SIRT4: variants seen among roughly 807,000 people sequenced by gnomAD.
SIRT4 encodes the protein sirtuin 4.
SIRT4 carries 23 observed loss-of-function variants against 26.1 expected under a neutral mutation model. That is an observed-to-expected ratio of 0.88 (90% CI 0.63 to 1.25). The LOEUF (loss-of-function observed/expected upper bound fraction) is 1.25. Ranked by LOEUF, SIRT4 falls within the 50% of genes most tolerant of loss-of-function variation. The probability of loss-of-function intolerance (pLI) is 0.00; values close to 1 mark genes in which losing one functional copy is unlikely to be tolerated. For synonymous variants in SIRT4, 155 were observed against 158.4 expected, an observed-to-expected ratio of 0.98 and a Z score of 0.16; for missense variants, 361 against 405.4, an observed-to-expected ratio of 0.89 and a Z score of 0.94.
the SIRT4 span, among the ~76,000 whole-genome samples, chr12:120,294,952 G>A: frequency 1.3e-5 from 2 of 149,372 alleles, no homozygotes; most frequent in Admixed American, 6.7e-5. Context: ...TCAGCCTCCC[G>A]AGTAACTAAC....
chr12:120,301,073 A>G (rs527286593), upstream of SIRT4, among the ~76,000 whole-genome samples: 4 of 152,342 alleles, frequency 2.6e-5, no homozygotes, highest in East Asian at 5.8e-4. Flanking sequence ...TTGGCTGGGC[A>G]CAGTGGCTTA....
Position 120,313,211 on chromosome 12 carries a change from A to T in SIRT4, c.*175A>T. 5 of 668,892 alleles carry T rather than the reference A, an allele frequency of 7.5e-6. No homozygotes were observed. Among genetic ancestry groups the T allele is most frequent in the Admixed American group, 3.1e-5 (1 of 32,242 alleles). The allele number at this position is 668,892 out of a possible 1,614,324, so 41.4% of individuals were successfully genotyped here. ...GTGTGGATATTCTTAATTAAAACTC[A>T]TTTTTTTTAAATAAAAAATTGTTCA... On this transcript the variant is annotated 3_prime_UTR_variant, in exon 4 of 4. Transcript: ENST00000202967.
At chr12:120,297,973 T>C (rs981360999), upstream of SIRT4, among the ~76,000 whole-genome samples, 2 of 151,488 alleles carry the variant, frequency 1.3e-5, no homozygotes, top group Admixed American at 6.6e-5. Context: ...GGTTAACTAA[T>C]GCAGAAAGGG....
chr12:120,304,835 A>ATTT (rs1169655844), intron 2 of SIRT4, among the ~76,000 whole-genome samples: 2 of 24,862 alleles, frequency 8.0e-5, no homozygotes, highest in East Asian at 5.9e-4. Context: ...ATATATATAT[A>ATTT]TTTTTTTTTT....
At chr12:120,298,974 C>T (rs1355611791), upstream of SIRT4, among the ~76,000 whole-genome samples, 26 of 141,564 alleles carry the variant, frequency 1.8e-4, no homozygotes, top group African/African-American at 6.3e-4. Context: ...CGCCTGTAAT[C>T]CCAGTACTTT....
At chr12:120,295,421 T>TAAA in the SIRT4 span, among the ~76,000 whole-genome samples, 10 of 136,100 alleles carry the variant, frequency 7.3e-5, no homozygotes, top group Middle Eastern at 4.0e-3. Context: ...TATAGATAAT[T>TAAA]TTTTTTTTTT....
intron 2 of SIRT4, among the ~76,000 whole-genome samples, chr12:120,304,331 A>C (rs1566463214): frequency 6.6e-6 from 1 of 152,200 alleles, no homozygotes; most frequent in Non-Finnish European, 1.5e-5. Context: ...TGTCTAGGAC[A>C]TGCCTGAGGA....
chr12:120,296,076 G>C, the SIRT4 span, among the ~76,000 whole-genome samples: 1 of 86,474 alleles, frequency 1.2e-5, no homozygotes, highest in Non-Finnish European at 2.0e-5. Flanking sequence ...GACAAAGCGA[G>C]ACTCCGTCTC....
At chr12:120,299,337 A>C (rs1317156190), upstream of SIRT4, among the ~76,000 whole-genome samples, 2 of 151,626 alleles carry the variant, frequency 1.3e-5, no homozygotes. Context: ...GGGTCACCTG[A>C]GGTCACGAGT....
chr12:120,302,694 A>G (rs936072281), intron 1 of SIRT4, among the ~76,000 whole-genome samples: 18 of 151,638 alleles, frequency 1.2e-4, no homozygotes, highest in Non-Finnish European at 2.4e-4. Context: ...ATTGTGTCAA[A>G]TAATATGTCA....
At chr12:120,301,101 C>T (rs1190317720), upstream of SIRT4, among the ~76,000 whole-genome samples, 1 of 152,150 alleles carries the variant, frequency 6.6e-6, no homozygotes, top group Non-Finnish European at 1.5e-5. Flanking sequence ...AATCCCAGTA[C>T]TTTGGGAGGC....
In SIRT4 at chr12:120,303,928, C is replaced by G; in HGVS notation, c.367C>G (p.Pro123Ala). The stretch of plus-strand genomic sequence containing the variant: ...TCAATTCTCCTCCCACCAGCCTAAC[C>G]CTGCACACTGGGCTTTGAGCACCTG... ...WPQFSSHQPN[P>A]AHWALSTWEK... Residue 123 changes from proline to alanine, a missense_variant, in exon 2 of 4, where the codon CCT (proline) becomes GCT (alanine). Pro to Ala is a conservative substitution (Grantham distance 27). Coordinates refer to ENST00000202967, the MANE Select transcript of SIRT4 (RefSeq NM_012240.3). 4 of 1,614,162 alleles carry G rather than the reference C, an allele frequency of 2.5e-6. No individual in the cohort carries two copies. The highest frequency in any genetic ancestry group is 2.5e-6 in the Non-Finnish European group (3 of 1,180,032).
intron 2 of SIRT4, 127 bp from the exon 3 acceptor site, chr12:120,312,329 T>G (rs1592903161): frequency 1.2e-6 from 1 of 842,756 alleles, no homozygotes. Flanking sequence ...TAAAATGGGG[T>G]GGGGATTGTG....
the SIRT4 span, among the ~76,000 whole-genome samples, chr12:120,292,932 C>G: frequency 6.6e-6 from 1 of 152,192 alleles, no homozygotes; most frequent in Non-Finnish European, 1.5e-5. Flanking sequence ...AAACGCAAAT[C>G]ACTAAAACAG....
At chr12:120,309,479 T>C (rs1236687387) in intron 2 of SIRT4, among the ~76,000 whole-genome samples, 2 of 150,740 alleles carry the variant, frequency 1.3e-5, no homozygotes, top group Admixed American at 6.6e-5. Context: ...TGGTGAGATC[T>C]TGGCTCACTG....
chr12:120,311,212 G>A (rs1456825834), intron 2 of SIRT4, among the ~76,000 whole-genome samples: 5 of 147,750 alleles, frequency 3.4e-5, no homozygotes, highest in South Asian at 4.3e-4. Context: ...AAAATTAGCC[G>A]GGCGTGGTGG....
chr12:120,305,450 G>A (rs575109971), intron 2 of SIRT4, among the ~76,000 whole-genome samples: 3 of 152,108 alleles, frequency 2.0e-5, no homozygotes, highest in Non-Finnish European at 2.9e-5. Context: ...TTGTAGAGAC[G>A]AAGTCTTACT....
At chr12:120,295,670 G>T in the SIRT4 span, among the ~76,000 whole-genome samples, 1 of 151,800 alleles carries the variant, frequency 6.6e-6, no homozygotes, top group Admixed American at 6.6e-5. Context: ...AAATAATAAG[G>T]ATTTATTTCC....
chr12:120,307,632 G>A (rs1872791540), intron 2 of SIRT4, among the ~76,000 whole-genome samples: 1 of 152,180 alleles, frequency 6.6e-6, no homozygotes, highest in Admixed American at 6.6e-5. Context: ...GGCCGAGGCA[G>A]GGGATCACCT....
Sources: allele counts gnomAD v4.1 joint callset (sites outside exome capture counted in the v4.1 genomes callset), GRCh38; gene constraint gnomAD v4.1.1; transcripts MANE v1.5; gene names NCBI Gene and HGNC (gene_info 2026-07-23, HGNC 2026-07-21).